ACVR2A: variants seen among roughly 807,000 people sequenced by gnomAD.
ACVR2A encodes the protein activin A receptor type 2A.
In ACVR2A, 7 loss-of-function variants were observed where a neutral mutation model predicts 61.4. That is an observed-to-expected ratio of 0.11 (90% CI 0.06 to 0.21). The LOEUF is 0.21. Among genes scored for constraint, ACVR2A ranks in the 10% least tolerant of loss-of-function variants. The pLI is 1.00. For missense variants in ACVR2A, 322 were observed against 621.7 expected (o/e 0.52, Z 5.13); for synonymous variants, 193 against 208.3 (o/e 0.93, Z 0.63).
At chr2:147,845,311 G>C (rs1272832149) in intron 1 of ACVR2A, 104 bp downstream of exon 1, 2 of 1,052,162 alleles carry the variant, frequency 1.9e-6, no homozygotes, top group East Asian at 5.7e-5. Flanking sequence ...TGGAGCCTGG[G>C]GAGGTTGCCC....
intron 9 of ACVR2A, chr2:147,925,781 C>A (rs975156951): frequency 1.5e-4 from 55 of 379,184 alleles, no homozygotes; most frequent in Non-Finnish European, 2.4e-5. Context: ...ATCCTTTATA[C>A]CTAGATAAGA....
At chr2:147,900,092 T>C (rs1686836102) in intron 4 of ACVR2A, among the ~76,000 whole-genome samples, 194 bp downstream of exon 4, 1 of 152,176 alleles carries the variant, frequency 6.6e-6, no homozygotes, top group Non-Finnish European at 1.5e-5. Flanking sequence ...TTTCTCACTT[T>C]AGGGTTGAGG....
chr2:147,897,638 T>C (rs1686771317), intron 2 of ACVR2A, among the ~76,000 whole-genome samples: 3 of 152,168 alleles, frequency 2.0e-5, no homozygotes, highest in African/African-American at 7.2e-5. Context: ...CCTCAGTTGA[T>C]TACCTGGAAT....
intron 1 of ACVR2A, among the ~76,000 whole-genome samples, chr2:147,863,235 G>A (rs1685771006): frequency 6.6e-6 from 1 of 152,176 alleles, no homozygotes. Context: ...AGCAACTACT[G>A]TTGCCAGCAC....
intron 1 of ACVR2A, among the ~76,000 whole-genome samples, chr2:147,884,321 G>C (rs532449283): frequency 1.3e-5 from 2 of 152,188 alleles, no homozygotes; most frequent in Admixed American, 1.3e-4. Flanking sequence ...TACCTGTTTT[G>C]ATGTAATTCA....
intron 1 of ACVR2A, among the ~76,000 whole-genome samples, chr2:147,884,939 G>C (rs1001961893): frequency 6.6e-6 from 1 of 152,076 alleles, no homozygotes; most frequent in Admixed American, 6.5e-5. Context: ...AATATAGAAT[G>C]CTGTAGTCCA....
chr2:147,913,822 CAAAAAAAAAAAAAAAAAA>C (rs575237522), intron 4 of ACVR2A, among the ~76,000 whole-genome samples: 2 of 61,798 alleles, frequency 3.2e-5, no homozygotes, highest in South Asian at 9.0e-4. Context: ...AACTTGTAGA[CAAAAAAAAAAAAAAAAAA>C]AAAAAAAAAA....
At chr2:147,878,204 T>C (rs1015834980) in intron 1 of ACVR2A, among the ~76,000 whole-genome samples, 1 of 152,190 alleles carries the variant, frequency 6.6e-6, no homozygotes, top group Non-Finnish European at 1.5e-5. Context: ...CAAGACAGAA[T>C]TAAGCTGGAT....
chr2:147,888,962 A>G (rs1253775120), intron 1 of ACVR2A, among the ~76,000 whole-genome samples: 2 of 151,540 alleles, frequency 1.3e-5, no homozygotes, highest in Non-Finnish European at 2.9e-5. Flanking sequence ...GCTTTTTATG[A>G]CATTGAGTAA....
At chr2:147,879,504 G>GT (rs1686242295) in intron 1 of ACVR2A, among the ~76,000 whole-genome samples, 1 of 152,186 alleles carries the variant, frequency 6.6e-6, no homozygotes, top group Non-Finnish European at 1.5e-5. Context: ...TTTTCTCAAT[G>GT]TTTAAGTCCA....
intron 4 of ACVR2A, among the ~76,000 whole-genome samples, chr2:147,910,486 A>G (rs1407044475): frequency 6.6e-6 from 1 of 152,174 alleles, no homozygotes; most frequent in Non-Finnish European, 1.5e-5. Context: ...TGGATGAATT[A>G]TAAATACTCT....
At chr2:147,910,147 G>A (rs1367318370) in intron 4 of ACVR2A, among the ~76,000 whole-genome samples, 1 of 151,900 alleles carries the variant, frequency 6.6e-6, no homozygotes, top group Non-Finnish European at 1.5e-5. Flanking sequence ...TTGTTGCATA[G>A]TTGATATTTT....
Position 147,872,156 on chromosome 2 carries a change from C to T in ACVR2A, c.56-24145C>T, listed in dbSNP as rs1002796785. ...AATTTTAATGATTGATAGCTCACTT[C>T]TTAAGTGTGTTCCACCTGCCACTTT... On this transcript the variant is annotated intron_variant, in intron 1 of 10. Coordinates refer to ENST00000241416, the MANE Select transcript of ACVR2A (RefSeq NM_001616.5). Among the ~76,000 whole-genome samples the T allele has an allele frequency of 1.3e-4, 20 of 152,020 alleles. 1 individual carries two copies. Among genetic ancestry groups the T allele is most frequent in the African/African-American group, 2.2e-4 (9 of 41,424 alleles).
chr2:147,876,066 A>G (rs186735733), intron 1 of ACVR2A, among the ~76,000 whole-genome samples: 62 of 152,250 alleles, frequency 4.1e-4, no homozygotes, highest in African/African-American at 1.4e-3. Flanking sequence ...AAGAAAAACT[A>G]TTGAGCTTTA....
intron 8 of ACVR2A, among the ~76,000 whole-genome samples, chr2:147,922,371 TCA>T (rs550470496): frequency 1.6e-3 from 247 of 152,168 alleles, no homozygotes; most frequent in African/African-American, 5.6e-3. Context: ...CCCAGCTATC[TCA>T]CAAATATTTT....
At chr2:147,858,110 C>G (rs1236025170) in intron 1 of ACVR2A, among the ~76,000 whole-genome samples, 1 of 152,134 alleles carries the variant, frequency 6.6e-6, no homozygotes, top group Admixed American at 6.6e-5. Context: ...CCTTCCAGCT[C>G]CATCCATGTC....
intron 4 of ACVR2A, among the ~76,000 whole-genome samples, chr2:147,908,038 C>CAAAAAAAAAA (rs1200221673): frequency 9.0e-5 from 6 of 66,926 alleles, no homozygotes; most frequent in Middle Eastern, 9.1e-3. Context: ...GACTCTGTTT[C>CAAAAAAAAAA]AAAAAAAAAA....
intron 1 of ACVR2A, among the ~76,000 whole-genome samples, chr2:147,880,376 CA>C (rs1013956887): frequency 2.4e-4 from 37 of 152,172 alleles, no homozygotes; most frequent in African/African-American, 8.2e-4. Context: ...ATACTTCAAT[CA>C]TTTTTTTATA....
chr2:147,925,832 T>C, intron 9 of ACVR2A, 199 bp from the exon 10 acceptor site: 1 of 502,240 alleles, frequency 2.0e-6, no homozygotes. Flanking sequence ...CATGCCAAAT[T>C]ATAGGCCTTT....
Sources: gnomAD v4.1 joint callset for allele counts (sites outside exome capture counted in the v4.1 genomes callset) on GRCh38, gnomAD v4.1.1 for gene constraint, MANE v1.5 for transcripts, NCBI Gene and HGNC (gene_info 2026-07-23, HGNC 2026-07-21) for gene names.